The following ASPRV1 variants were observed in gnomAD, a reference collection of about 807,000 sequenced individuals.
ASPRV1 encodes retroviral-like aspartic protease 1.
In ASPRV1, 7 loss-of-function variants were observed where a neutral mutation model predicts 11.0. The observed-to-expected ratio is 0.64, with a 90% CI of 0.36 to 1.20. The LOEUF is 1.20. ASPRV1 is among the 50% of genes most tolerant of loss of function. ASPRV1 has a pLI of 0.02. For missense variants in ASPRV1, 299 were observed against 320.0 expected (o/e 0.93, Z 0.50); for synonymous variants, 136 against 138.4 (o/e 0.98, Z 0.12).
At chr2:69,998,680 G>A in the ASPRV1 span, among the ~76,000 whole-genome samples, 2 of 149,608 alleles carry the variant, frequency 1.3e-5, no homozygotes, top group South Asian at 2.1e-4. Context: ...AGTGAGCAGA[G>A]ATCACGCCAC....
chr2:69,938,142 A>G, the ASPRV1 span: 11 of 1,614,076 alleles, frequency 6.8e-6, no homozygotes, highest in African/African-American at 1.3e-5. Context: ...CTCACAGGTG[A>G]TCTGGACTGG....
the ASPRV1 span, among the ~76,000 whole-genome samples, chr2:70,041,077 G>A: frequency 6.6e-6 from 1 of 152,148 alleles, no homozygotes; most frequent in African/African-American, 2.4e-5. Flanking sequence ...GCTGCTTACT[G>A]GATGCTCAAA....
the ASPRV1 span, chr2:70,049,034 TTTTTTA>T: frequency 6.6e-6 from 1 of 152,100 alleles, no homozygotes; most frequent in African/African-American, 2.4e-5. Context: ...TTTCTTTTTT[TTTTTTA>T]TTTTATTATT....
the ASPRV1 span, among the ~76,000 whole-genome samples, chr2:69,950,820 G>T: frequency 1.3e-5 from 2 of 150,066 alleles, no homozygotes; most frequent in African/African-American, 4.9e-5. Flanking sequence ...TCCAGCATGG[G>T]CAACAGAGTG....
chr2:69,982,117 C>G, the ASPRV1 span, among the ~76,000 whole-genome samples: 3 of 152,066 alleles, frequency 2.0e-5, no homozygotes, highest in African/African-American at 7.3e-5. Context: ...CTGCAATGCT[C>G]AGGAGGCCTT....
At chr2:69,955,379 C>T (rs146222992), downstream of ASPRV1, among the ~76,000 whole-genome samples, 13 of 152,354 alleles carry the variant, frequency 8.5e-5, no homozygotes, top group East Asian at 2.3e-3. Flanking sequence ...ACTCCCTGCA[C>T]ACCTGGGAGA....
chr2:69,976,874 C>T, the ASPRV1 span, among the ~76,000 whole-genome samples: 1 of 152,106 alleles, frequency 6.6e-6, no homozygotes, highest in East Asian at 1.9e-4. Context: ...AACACACACA[C>T]TCATACACCG....
the ASPRV1 span, among the ~76,000 whole-genome samples, chr2:70,057,809 T>G: frequency 3.3e-5 from 5 of 151,882 alleles, no homozygotes; most frequent in African/African-American, 7.2e-5. Flanking sequence ...TTGTTTTTTT[T>G]TTTTAGACAG....
the ASPRV1 span, among the ~76,000 whole-genome samples, chr2:70,060,429 A>C: frequency 1.3e-5 from 2 of 152,224 alleles, no homozygotes; most frequent in Admixed American, 1.3e-4. Context: ...GAAATGCTTA[A>C]AGAAGTAGTA....
At chr2:70,074,002 C>T in the ASPRV1 span, among the ~76,000 whole-genome samples, 2 of 151,152 alleles carry the variant, frequency 1.3e-5, no homozygotes, top group African/African-American at 4.9e-5. Context: ...GGCATGGTGG[C>T]GGGCGCCTGT....
At chr2:70,068,667 T>C in the ASPRV1 span, among the ~76,000 whole-genome samples, 1 of 152,022 alleles carries the variant, frequency 6.6e-6, no homozygotes, top group African/African-American at 2.4e-5. Flanking sequence ...CAGTGGCTCA[T>C]GCCTGTAATC....
At chr2:69,983,071 A>C in the ASPRV1 span, among the ~76,000 whole-genome samples, 1 of 152,116 alleles carries the variant, frequency 6.6e-6, no homozygotes, top group Non-Finnish European at 1.5e-5. Context: ...GGTGTGTGCC[A>C]CCACTCCCGG....
the ASPRV1 span, among the ~76,000 whole-genome samples, chr2:69,983,813 ACTT>A: frequency 6.6e-6 from 1 of 152,118 alleles, no homozygotes; most frequent in African/African-American, 2.4e-5. Flanking sequence ...AGGGGGAACT[ACTT>A]CTCCCCCAGT....
chr2:70,086,538 G>C, the ASPRV1 span: 1 of 152,234 alleles, frequency 6.6e-6, no homozygotes, highest in Non-Finnish European at 1.5e-5. Flanking sequence ...GCCTGGCGCA[G>C]TGGCTGCGCC....
the ASPRV1 span, chr2:70,080,945 T>C: frequency 6.6e-6 from 1 of 152,234 alleles, no homozygotes; most frequent in African/African-American, 2.4e-5. Context: ...CTGGGCTAAC[T>C]GTTTTGGTAG....
chr2:70,002,867 T>C, the ASPRV1 span, among the ~76,000 whole-genome samples: 1 of 152,208 alleles, frequency 6.6e-6, no homozygotes, highest in Non-Finnish European at 1.5e-5. Flanking sequence ...CCCTCGTCCT[T>C]CTGAGTGATA....
At chr2:70,084,678 TA>T in the ASPRV1 span, among the ~76,000 whole-genome samples, 3 of 152,256 alleles carry the variant, frequency 2.0e-5, no homozygotes, top group African/African-American at 7.2e-5. Flanking sequence ...CTGCATGTAG[TA>T]ACAAATATTG....
chr2:70,018,732 T>C, the ASPRV1 span, among the ~76,000 whole-genome samples: 3 of 152,184 alleles, frequency 2.0e-5, no homozygotes, highest in African/African-American at 7.2e-5. Flanking sequence ...TACAGAAGAA[T>C]GAAATTAGAT....
the ASPRV1 span, among the ~76,000 whole-genome samples, chr2:69,952,732 C>T: frequency 6.6e-6 from 1 of 152,030 alleles, no homozygotes; most frequent in Non-Finnish European, 1.5e-5. Flanking sequence ...TGTTTTGCAG[C>T]CTCTGACCTT....
Sources: gnomAD v4.1 joint callset for allele counts (sites outside exome capture counted in the v4.1 genomes callset) on GRCh38, gnomAD v4.1.1 for gene constraint, MANE v1.5 for transcripts, NCBI Gene and HGNC (gene_info 2026-07-23, HGNC 2026-07-21) for gene names.